PRKN: variants seen among roughly 807,000 people sequenced by gnomAD.
PRKN encodes parkin RBR E3 ubiquitin protein ligase.
Under a neutral mutation model 59.5 loss-of-function variants are expected in PRKN, and 56 were observed. The observed-to-expected ratio is 0.94, with a 90% CI of 0.76 to 1.18. The LOEUF (loss-of-function observed/expected upper bound fraction) is 1.18. PRKN is among the 50% of genes most tolerant of loss of function. PRKN has a pLI of 0.00. For missense variants in PRKN, 657 were observed against 596.4 expected (o/e 1.10, Z -1.06); for synonymous variants, 250 against 222.1 (o/e 1.13, Z -1.12).
At chr6:162,330,737 T>C (rs12205467) in intron 2 of PRKN, among the ~76,000 whole-genome samples, 51,392 of 152,134 alleles carry the variant, frequency 0.34, 9,818 homozygotes, top group Non-Finnish European at 0.42. Context: ...ATCCCCCTGT[T>C]ACTCTGCTGT....
At chr6:162,175,884 A>G (rs1402216785) in intron 4 of PRKN, among the ~76,000 whole-genome samples, 1 of 152,316 alleles carries the variant, frequency 6.6e-6, no homozygotes, top group East Asian at 1.9e-4. Context: ...CCCCATCTCC[A>G]TGAATTCTCC....
intron 7 of PRKN, among the ~76,000 whole-genome samples, chr6:161,703,873 T>C (rs1309119000): frequency 8.0e-6 from 1 of 124,888 alleles, no homozygotes; most frequent in Non-Finnish European, 1.7e-5. Flanking sequence ...TTTTTTTTTT[T>C]TTTACAGAGT....
chr6:161,817,346 G>A (rs1319398216), intron 6 of PRKN, among the ~76,000 whole-genome samples: 1 of 152,230 alleles, frequency 6.6e-6, no homozygotes, highest in Non-Finnish European at 1.5e-5. Flanking sequence ...GAACTGGAGA[G>A]TAAACAGGGC....
chr6:161,383,535 A>G (rs930969676), intron 10 of PRKN, among the ~76,000 whole-genome samples: 1 of 152,182 alleles, frequency 6.6e-6, no homozygotes, highest in Non-Finnish European at 1.5e-5. Flanking sequence ...GCAGGAGGCA[A>G]GATGTCCATG....
chr6:162,437,661 T>C (rs1789843238), intron 2 of PRKN, among the ~76,000 whole-genome samples: 1 of 152,200 alleles, frequency 6.6e-6, no homozygotes, highest in Admixed American at 6.5e-5. Flanking sequence ...GAGAATGTTA[T>C]ATAAATAAAA....
chr6:162,441,842 A>T (rs1790068369), intron 2 of PRKN, among the ~76,000 whole-genome samples: 1 of 152,216 alleles, frequency 6.6e-6, no homozygotes, highest in Non-Finnish European at 1.5e-5. Flanking sequence ...TGAAATCGCT[A>T]ATTGTTTTAT....
At chr6:162,135,705 G>A (rs909537808) in intron 4 of PRKN, among the ~76,000 whole-genome samples, 6 of 152,150 alleles carry the variant, frequency 3.9e-5, no homozygotes, top group Non-Finnish European at 8.8e-5. Flanking sequence ...TTTGCAATGG[G>A]CTGGTCAGAG....
intron 7 of PRKN, among the ~76,000 whole-genome samples, chr6:161,722,097 A>G (rs1787245024): frequency 1.3e-5 from 2 of 151,870 alleles, no homozygotes. Context: ...AGGCTCAGCA[A>G]CCCTCCTTAG....
chr6:162,365,756 C>T (rs564610860), intron 2 of PRKN, among the ~76,000 whole-genome samples: 2 of 152,258 alleles, frequency 1.3e-5, no homozygotes, highest in South Asian at 4.2e-4. Flanking sequence ...TATACCTTCT[C>T]GGTTTATTTT....
At position 162,403,052 on chromosome 6, in the gene PRKN, C is replaced by T. The variant is rs118176149; in HGVS notation, c.171+40258G>A. 6.6e-3 allele frequency among the ~76,000 whole-genome samples: 1,003 copies of T among 152,234 alleles called. 7 individuals are homozygous for T. Among genetic ancestry groups the T allele is most frequent in the Middle Eastern group, 0.014 (4 of 292 alleles). On this transcript the variant is annotated intron_variant, in intron 2 of 11. Transcript: ENST00000366898. ...CATCTAGTCTCAAGGCTTTAAACAC[C>T]GTCTGGATTCTCACTCCCAGATTTA...
chr6:162,689,730 T>G (rs187833049), intron 1 of PRKN, among the ~76,000 whole-genome samples: 1 of 152,332 alleles, frequency 6.6e-6, no homozygotes, highest in Admixed American at 6.5e-5. Flanking sequence ...TGGGTGAAAT[T>G]TAACACAGGT....
At chr6:161,707,540 C>G (rs184731561) in intron 7 of PRKN, among the ~76,000 whole-genome samples, 19 of 152,298 alleles carry the variant, frequency 1.2e-4, no homozygotes. Context: ...ACATTTTCGA[C>G]ACAACAAACA....
At chr6:162,432,478 T>C (rs569061410) in intron 2 of PRKN, among the ~76,000 whole-genome samples, 2 of 151,932 alleles carry the variant, frequency 1.3e-5, no homozygotes, top group East Asian at 1.9e-4. Context: ...GTGAGCTGAG[T>C]TCACACCACT....
chr6:161,857,861 C>T (rs1012996695), intron 6 of PRKN, among the ~76,000 whole-genome samples: 4 of 152,162 alleles, frequency 2.6e-5, no homozygotes, highest in African/African-American at 9.7e-5. Context: ...GACACAACTT[C>T]ATGGAGATCA....
chr6:162,042,401 C>T (rs1784100195), intron 5 of PRKN, among the ~76,000 whole-genome samples: 2 of 152,068 alleles, frequency 1.3e-5, no homozygotes, highest in Admixed American at 1.3e-4. Flanking sequence ...AAGCAATCCT[C>T]CCACCTCAGC....
chr6:162,016,682 A>G (rs563772808), intron 5 of PRKN, among the ~76,000 whole-genome samples: 4 of 152,112 alleles, frequency 2.6e-5, no homozygotes, highest in Non-Finnish European at 4.4e-5. Flanking sequence ...CAACCCTGAG[A>G]TCACAATTTA....
Position 162,382,655 on chromosome 6 carries a change from T to C in PRKN, c.171+60655A>G, listed in dbSNP as rs182691858. On this transcript the variant is annotated intron_variant, in intron 2 of 11. Coordinates refer to ENST00000366898, the MANE Select transcript of PRKN (RefSeq NM_004562.3). Reference sequence around the variant, plus strand: ...TGACTAGGATGGTGGTTGCTAGAAGTTGGGATGACTGTGGCAATTTCTTAT... The same window carrying C: ...TGACTAGGATGGTGGTTGCTAGAAGCTGGGATGACTGTGGCAATTTCTTAT... 1.5e-4 allele frequency among the ~76,000 whole-genome samples: 23 copies of C among 152,308 alleles called. 1 individual carries two copies. The highest frequency in any genetic ancestry group is 5.2e-4 in the Admixed American group (8 of 15,300).
intron 6 of PRKN, among the ~76,000 whole-genome samples, chr6:161,870,501 G>C (rs1316967888): frequency 6.6e-6 from 1 of 152,044 alleles, no homozygotes; most frequent in African/African-American, 2.4e-5. Flanking sequence ...CTTCTTTTTA[G>C]AATTATGTAT....
intron 1 of PRKN, among the ~76,000 whole-genome samples, chr6:162,638,739 C>CTTTTTTTTTTTTT (rs370517141): frequency 1.0e-5 from 1 of 99,660 alleles, no homozygotes; most frequent in Non-Finnish European, 1.9e-5. Context: ...CTAACTATCC[C>CTTTTTTTTTTTTT]TTTTTTTTTT....
Sources: gnomAD v4.1 joint callset for allele counts (sites outside exome capture counted in the v4.1 genomes callset) on GRCh38, gnomAD v4.1.1 for gene constraint, MANE v1.5 for transcripts, NCBI Gene and HGNC (gene_info 2026-07-23, HGNC 2026-07-21) for gene names.